Variants in VPS37C observed in about 807,000 individuals in gnomAD.
VPS37C encodes vacuolar protein sorting-associated protein 37C.
A neutral mutation model predicts 16.1 loss-of-function variants in VPS37C; 9 were observed. The observed-to-expected ratio is 0.56, with a 90% CI of 0.34 to 0.97. VPS37C has a LOEUF of 0.97. VPS37C is among the 50% of genes least tolerant of loss of function. The pLI is 0.02. For synonymous variants in VPS37C, 207 were observed against 206.4 expected (o/e 1.00, Z -0.02); for missense variants, 479 against 472.7 (o/e 1.01, Z -0.12).
intron 1 of VPS37C, among the ~76,000 whole-genome samples, chr11:61,140,392 C>T (rs1490173480): frequency 1.3e-5 from 2 of 151,918 alleles, no homozygotes; most frequent in Non-Finnish European, 2.9e-5. Flanking sequence ...CCCCCACCCA[C>T]TCAAGGGTGC....
intron 2 of VPS37C, among the ~76,000 whole-genome samples, chr11:61,137,286 G>A (rs1199768740): frequency 6.6e-6 from 1 of 152,148 alleles, no homozygotes; most frequent in Non-Finnish European, 1.5e-5. Flanking sequence ...CGATAAAAAA[G>A]TTTGCCAATG....
chr11:61,145,350 T>C (rs987049246), intron 1 of VPS37C: 4 of 152,232 alleles, frequency 2.6e-5, no homozygotes, highest in Non-Finnish European at 5.9e-5. Flanking sequence ...ATCCAGAGAT[T>C]AGGAGCCCAC....
rs1456761135 is a variant in VPS37C at position 61,132,249 on chromosome 11, C to T, written c.639G>A (p.Leu213=). 4 of 1,520,728 alleles carry T rather than the reference C, an allele frequency of 2.6e-6. No individual in the cohort carries two copies. Among genetic ancestry groups the T allele is most frequent in the Non-Finnish European group, 3.5e-6 (4 of 1,133,856 alleles). 94.2% of individuals were successfully genotyped at this position (1,520,728 alleles called of 1,614,324 possible). The change falls in exon 5 of 5, where the codon CTG becomes CTA. Residue 213 remains leucine, a synonymous_variant. Transcript: ENST00000301765. ...CTCCATGGGCAGTGGGGCCCACAGG[C>T]AGGCTGGGGGATGGGCTGTAGGGCA... ...YPLPYSPSPS[L]PVGPTAHGAL... is the part of the protein sequence containing the mutation.
chr11:61,147,957 C>T (rs1853242753), intron 1 of VPS37C, among the ~76,000 whole-genome samples: 1 of 152,198 alleles, frequency 6.6e-6, no homozygotes, highest in Admixed American at 6.5e-5. Context: ...TAATCAAGTC[C>T]TTTAACCTTG....
chr11:61,140,087 G>C (rs976470110), intron 1 of VPS37C, among the ~76,000 whole-genome samples: 1 of 152,118 alleles, frequency 6.6e-6, no homozygotes, highest in African/African-American at 2.4e-5. Flanking sequence ...GATTATGTTA[G>C]TTTTCAAAAG....
chr11:61,150,516 G>C (rs766736316), intron 1 of VPS37C, among the ~76,000 whole-genome samples: 1 of 150,996 alleles, frequency 6.6e-6, no homozygotes, highest in Non-Finnish European at 1.5e-5. Flanking sequence ...TGCCCAGTTT[G>C]GCCTAATCCT....
Position 61,134,105 on chromosome 11 carries a change from T to G in VPS37C, c.196A>C (p.Asn66His). ...FQGPLEISRS[N>H]LSDRYQELRK... is the part of the protein sequence containing the mutation. ...AGCTCCTGGTATCTATCCGAGAGGT[T>G]TGAGCGGCTGATCTCCAGGGGACCC... The change falls in exon 3 of 5, where the codon AAC (asparagine) becomes CAC (histidine). Residue 66 changes from asparagine (N) to histidine (H), a missense_variant. Physicochemically the swap from Asn to His is moderately conservative, Grantham distance 68. Coordinates refer to ENST00000301765, the MANE Select transcript of VPS37C (RefSeq NM_017966.5). 2 of 1,613,988 alleles carry G rather than the reference T, an allele frequency of 1.2e-6. No individual in the cohort carries two copies. The highest frequency in any genetic ancestry group is 1.7e-6 in the Non-Finnish European group (2 of 1,179,948).
chr11:61,159,157 G>C (rs1018742809), intron 1 of VPS37C, among the ~76,000 whole-genome samples: 2 of 152,140 alleles, frequency 1.3e-5, no homozygotes, highest in African/African-American at 4.8e-5. Flanking sequence ...GGCTTTTTAA[G>C]GGCAAATTAA....
chr11:61,141,933 G>A (rs1861478667), intron 1 of VPS37C, among the ~76,000 whole-genome samples: 1 of 152,216 alleles, frequency 6.6e-6, no homozygotes, highest in South Asian at 2.1e-4. Flanking sequence ...ATCTGTGAAA[G>A]CACCCAGCAG....
At chr11:61,149,911 G>A (rs892319144) in intron 1 of VPS37C, among the ~76,000 whole-genome samples, 1 of 152,164 alleles carries the variant, frequency 6.6e-6, no homozygotes, top group Non-Finnish European at 1.5e-5. Flanking sequence ...CAGAGTGGCA[G>A]AAGACTTCAG....
At chr11:61,160,815 CGGGG>C (rs1853462142) in intron 1 of VPS37C, among the ~76,000 whole-genome samples, 1 of 152,144 alleles carries the variant, frequency 6.6e-6, no homozygotes, top group Non-Finnish European at 1.5e-5. Context: ...CAGAGGGTCC[CGGGG>C]TAAGAAATGT....
In VPS37C at chr11:61,130,589, G is replaced by A. The variant is rs766903137; in HGVS notation, c.*1231C>T. The A allele has an allele frequency of 1.5e-5, 4 of 263,902 alleles. No individual in the cohort carries two copies. Among genetic ancestry groups the A allele is most frequent in the African/African-American group, 2.4e-5 (1 of 42,112 alleles). The allele number at this position is 263,902 out of a possible 1,614,324, so 16.3% of individuals were successfully genotyped here. A position where few individuals can be genotyped will look rare whatever the true frequency, so the allele number is the denominator to read the frequency against. ...ATAGCAGCTCCAGGCTCTTCCCTGAGACCTGGTTTACCTCTGGAACAACCA... is the reference window on the plus strand; with the variant it reads ...ATAGCAGCTCCAGGCTCTTCCCTGAAACCTGGTTTACCTCTGGAACAACCA... On this transcript the variant is annotated 3_prime_UTR_variant, in exon 5 of 5. Transcript: ENST00000301765.
At chr11:61,160,745 G>A (rs1348917367) in intron 1 of VPS37C, among the ~76,000 whole-genome samples, 1 of 152,188 alleles carries the variant, frequency 6.6e-6, no homozygotes, top group Non-Finnish European at 1.5e-5. Flanking sequence ...ATCGGCTGAG[G>A]AGGAAATGAA....
At chr11:61,149,294 C>T (rs1277054557) in intron 1 of VPS37C, among the ~76,000 whole-genome samples, 1 of 152,072 alleles carries the variant, frequency 6.6e-6, no homozygotes, top group Admixed American at 6.5e-5. Context: ...TCAAAGTAAA[C>T]AAACAAACAA....
rs1285722614 is a variant in VPS37C, at chr11:61,133,118, A to C, written c.348+137T>G. 6 of 949,200 alleles carry C rather than the reference A, an allele frequency of 6.3e-6. No homozygotes were observed. The Admixed American group carries it at 8.0e-5, about 13-fold the overall frequency. The allele number at this position is 949,200 out of a possible 1,614,324, so 58.8% of individuals were successfully genotyped here. ...ACCCAAAAGGCCTCCCCAGGACTAA[A>C]GATGTCCTTCACCTCTGCCATCTAC... On this transcript the variant is annotated intron_variant, in intron 4 of 4. Coordinates refer to ENST00000301765, the MANE Select transcript of VPS37C (RefSeq NM_017966.5).
At chr11:61,132,670 C>T in intron 4 of VPS37C, 131 bp from the exon 5 acceptor site, 1 of 1,209,616 alleles carries the variant, frequency 8.3e-7, no homozygotes. Flanking sequence ...CTTCCCTGCC[C>T]ATACGCCCCT....
chr11:61,148,312 T>G (rs923252174), intron 1 of VPS37C, among the ~76,000 whole-genome samples: 2 of 152,178 alleles, frequency 1.3e-5, no homozygotes, highest in Non-Finnish European at 2.9e-5. Flanking sequence ...CCTTGGTTTC[T>G]TACAAATTCC....
intron 1 of VPS37C, among the ~76,000 whole-genome samples, chr11:61,146,519 A>G (rs928101221): frequency 5.3e-5 from 8 of 152,238 alleles, no homozygotes; most frequent in Non-Finnish European, 1.0e-4. Context: ...GGGCCTGCGC[A>G]TGCCATGCCA....
intron 1 of VPS37C, chr11:61,145,612 G>A (rs549825039): frequency 1.3e-5 from 2 of 152,488 alleles, no homozygotes; most frequent in Admixed American, 6.5e-5. Flanking sequence ...ATGGAGAAGG[G>A]AGAACAGGAA....
Sources: allele counts gnomAD v4.1 joint callset (sites outside exome capture counted in the v4.1 genomes callset), GRCh38; gene constraint gnomAD v4.1.1; transcripts MANE v1.5; gene names NCBI Gene and HGNC (gene_info 2026-07-23, HGNC 2026-07-21).